TLN2: variants seen among roughly 807,000 people sequenced by gnomAD.
TLN2 encodes talin-2.
A neutral mutation model predicts 294.7 loss-of-function variants in TLN2; 118 were observed. The ratio of observed to expected loss-of-function variants is 0.40; its 90% CI spans 0.34 to 0.47. TLN2 has a LOEUF of 0.47. TLN2 is among the 20% of genes least tolerant of loss of function. The pLI is 0.84. For synonymous variants in TLN2, 1,431 were observed against 1,304.5 expected, an observed-to-expected ratio of 1.10 and a Z score of -2.09; for missense variants, 3,083 against 3,282.2, an observed-to-expected ratio of 0.94 and a Z score of 1.48.
At chr15:62,505,264 T>G (rs1017503536) in intron 1 of TLN2, among the ~76,000 whole-genome samples, 1 of 152,128 alleles carries the variant, frequency 6.6e-6, no homozygotes, top group Non-Finnish European at 1.5e-5. Flanking sequence ...GCCAAAAACA[T>G]GTTTCTTACT....
chr15:62,716,476 C>T lies in TLN2; in HGVS notation c.2763+17C>T. ...CGACTGGAGGTAAGGAAAGAGGCTG[C>T]CTTTCTGGGATGCCCATCTTAAATT... On this transcript the variant is annotated intron_variant, in intron 23 of 58. Coordinates refer to ENST00000636159, the MANE Select transcript of TLN2 (RefSeq NM_015059.3). 1.3e-6 allele frequency: 2 copies of T among 1,583,682 alleles called. No individual in the cohort carries two copies. Among genetic ancestry groups the T allele is most frequent in the East Asian group, 2.3e-5 (1 of 43,734 alleles).
intron 1 of TLN2, among the ~76,000 whole-genome samples, chr15:62,587,811 T>C (rs150825126): frequency 2.6e-5 from 4 of 152,334 alleles, no homozygotes; most frequent in Admixed American, 6.5e-5. Flanking sequence ...GCCTATAACA[T>C]TGGTTATTTA....
At chr15:62,792,590 T>C in intron 45 of TLN2, 51 bp from the exon 46 acceptor site, 3 of 1,591,166 alleles carry the variant, frequency 1.9e-6, no homozygotes, top group Non-Finnish European at 2.6e-6. Flanking sequence ...AAGGCCTCGA[T>C]GGCAGAGTCC....
At chr15:62,834,942 A>G (rs1046359902) in intron 55 of TLN2, 70 of 152,300 alleles carry the variant, frequency 4.6e-4, no homozygotes, top group African/African-American at 1.7e-3. Context: ...AAAATTGGTG[A>G]AGGAGGTTCA....
intron 1 of TLN2, among the ~76,000 whole-genome samples, chr15:62,442,282 G>C (rs1414572787): frequency 6.6e-6 from 1 of 151,908 alleles, no homozygotes; most frequent in Non-Finnish European, 1.5e-5. Flanking sequence ...GATCACCTGA[G>C]GTCAGGGTTC....
intron 37 of TLN2, 99 bp from the exon 38 acceptor site, chr15:62,761,581 TC>T (rs756380770): frequency 3.7e-5 from 57 of 1,528,484 alleles, no homozygotes; most frequent in Admixed American, 5.1e-5. Flanking sequence ...TTTTCAGTGT[TC>T]CGGTTGAACC....
At chr15:62,447,153 A>ATTTATT (rs2035862376) in intron 1 of TLN2, among the ~76,000 whole-genome samples, 2 of 82,466 alleles carry the variant, frequency 2.4e-5, no homozygotes, top group African/African-American at 7.1e-5. Flanking sequence ...CAAGAAGCCT[A>ATTTATT]TATTTATTTA....
At chr15:62,797,530 T>C in intron 48 of TLN2, 128 bp downstream of exon 48, 1 of 1,160,424 alleles carries the variant, frequency 8.6e-7, no homozygotes, top group Non-Finnish European at 1.2e-6. Flanking sequence ...GTGTGTCTGG[T>C]TTGAGGAACC....
chr15:62,530,960 T>C (rs7177749), intron 1 of TLN2, among the ~76,000 whole-genome samples: 16,495 of 152,252 alleles, frequency 0.11, 2,177 homozygotes, highest in African/African-American at 0.32. Context: ...GTTAGAGCTC[T>C]TAATTAAGTT....
chr15:62,449,465 G>T (rs2035984941), intron 1 of TLN2, among the ~76,000 whole-genome samples: 1 of 152,124 alleles, frequency 6.6e-6, no homozygotes, highest in Admixed American at 6.5e-5. Flanking sequence ...TTCCTGTGCA[G>T]CACCTTTTGC....
At chr15:62,605,854 C>A (rs1264690133) in intron 2 of TLN2, among the ~76,000 whole-genome samples, 1 of 152,174 alleles carries the variant, frequency 6.6e-6, no homozygotes, top group African/African-American at 2.4e-5. Context: ...CTACCCTTCC[C>A]ATCTTCACGA....
In TLN2 at chr15:62,841,948, A is replaced by T. The variant is rs78649097; in HGVS notation, c.*1338A>T. ...ATGATTTTCAAAACTGGTAACAGTT[A>T]AAGGCACTCACCCTCCGCCTCTCTC... On this transcript the variant is annotated 3_prime_UTR_variant, in exon 59 of 59. Transcript: ENST00000636159. 1 of 146,270 alleles carries T rather than the reference A, an allele frequency of 6.8e-6. No individual in the cohort carries two copies. Among genetic ancestry groups the T allele is most frequent in the Non-Finnish European group, 1.5e-5 (1 of 67,354 alleles). The allele number at this position is 146,270 out of a possible 1,614,324, so 9.1% of individuals were successfully genotyped here. A position where few individuals can be genotyped will look rare whatever the true frequency, so the allele number is the denominator to read the frequency against.
chr15:62,759,093 C>A (rs2062495716), intron 37 of TLN2, among the ~76,000 whole-genome samples: 1 of 152,154 alleles, frequency 6.6e-6, no homozygotes, highest in Non-Finnish European at 1.5e-5. Flanking sequence ...TAAATTTACC[C>A]TTTCATCATT....
chr15:62,577,410 C>T (rs1470764154), intron 1 of TLN2, among the ~76,000 whole-genome samples: 1 of 152,204 alleles, frequency 6.6e-6, no homozygotes, highest in Non-Finnish European at 1.5e-5. Context: ...CGTCATTGCA[C>T]TCCAGCCTGG....
chr15:62,564,829 C>T (rs1334842517), intron 1 of TLN2, among the ~76,000 whole-genome samples: 1 of 150,474 alleles, frequency 6.6e-6, no homozygotes, highest in Non-Finnish European at 1.5e-5. Context: ...ATCGCTTGAA[C>T]CCCGGGAGGT....
chr15:62,708,610 A>G lies in TLN2; in HGVS notation c.2281A>G (p.Thr761Ala), dbSNP rs2059220191. Residue 761 changes from threonine to alanine, a missense_variant, in exon 21 of 59, where the codon ACT becomes GCT. Transcript: ENST00000636159. ...ENCVRACQAA[T>A]TDSELLKQVS... ...CTGTGTCCGTGCCTGCCAGGCGGCC[A>G]CTACCGATAGTGAGCTCCTGAAGCA... is the stretch of plus-strand genomic sequence containing the variant. 3 of 1,614,054 alleles carry G rather than the reference A, an allele frequency of 1.9e-6. No individual in the cohort carries two copies. Among genetic ancestry groups the G allele is most frequent in the African/African-American group, 1.3e-5 (1 of 74,926 alleles).
chr15:62,500,571 G>T (rs949392039), intron 1 of TLN2, among the ~76,000 whole-genome samples: 2 of 152,182 alleles, frequency 1.3e-5, no homozygotes, highest in African/African-American at 4.8e-5. Flanking sequence ...TGGACCCTTG[G>T]TGTCTAGACA....
chr15:62,508,069 A>G (rs939729082), intron 1 of TLN2, among the ~76,000 whole-genome samples: 3 of 152,122 alleles, frequency 2.0e-5, no homozygotes, highest in Non-Finnish European at 4.4e-5. Flanking sequence ...AATTTTCTAC[A>G]GTAGCTCTCT....
intron 1 of TLN2, among the ~76,000 whole-genome samples, chr15:62,579,862 C>G (rs764484939): frequency 3.3e-5 from 5 of 152,192 alleles, no homozygotes; most frequent in African/African-American, 7.2e-5. Context: ...AGCTAATGGT[C>G]AGGGTGGCAG....
Sources: gnomAD v4.1 joint callset for allele counts (sites outside exome capture counted in the v4.1 genomes callset) on GRCh38, gnomAD v4.1.1 for gene constraint, MANE v1.5 for transcripts, NCBI Gene and HGNC (gene_info 2026-07-23, HGNC 2026-07-21) for gene names.